CYP3A43: variants seen among roughly 807,000 people sequenced by gnomAD.
CYP3A43 encodes cytochrome P450 3A43.
A neutral mutation model predicts 58.0 loss-of-function variants in CYP3A43; 45 were observed. That is an observed-to-expected ratio of 0.78 (90% confidence interval 0.61 to 0.99). The LOEUF (loss-of-function observed/expected upper bound fraction) is 0.99. CYP3A43 is among the 50% of genes least tolerant of loss of function. CYP3A43 has a pLI of 0.00. For missense variants in CYP3A43, 593 were observed against 591.9 expected (o/e 1.00, Z -0.02); for synonymous variants, 191 against 201.4 (o/e 0.95, Z 0.44).
In CYP3A43 at chr7:99,856,821, T is replaced by G. The variant is rs747892091; in HGVS notation, c.799-12T>G. On this transcript the variant is annotated splice_polypyrimidine_tract_variant and intron_variant, in intron 8 of 12. Transcript: ENST00000354829. ...GACTTTCTGTCATTAAAATTTCTCT[T>G]TTTGCTTCCAGCATCGAGTAGATTT... is the stretch of plus-strand genomic sequence containing the variant. 6.2e-7 allele frequency: 1 copy of G among 1,613,680 alleles called. No homozygotes were observed. Among genetic ancestry groups the G allele is most frequent in the Non-Finnish European group, 8.5e-7 (1 of 1,179,912 alleles).
chr7:99,838,835 CT>C, intron 2 of CYP3A43: 1 of 536,016 alleles, frequency 1.9e-6, no homozygotes, highest in Non-Finnish European at 3.1e-6. Flanking sequence ...CAAAAATTAG[CT>C]GGGTGTGGTG....
intron 9 of CYP3A43, among the ~76,000 whole-genome samples, chr7:99,859,067 C>T (rs1253835109): frequency 6.6e-6 from 1 of 152,072 alleles, no homozygotes. Context: ...CTGTAGCTTT[C>T]GTATATCCAG....
intron 7 of CYP3A43, among the ~76,000 whole-genome samples, chr7:99,854,507 T>C (rs1817898029): frequency 6.6e-6 from 1 of 152,120 alleles, no homozygotes; most frequent in African/African-American, 2.4e-5. Context: ...GCCCGGCTGA[T>C]GATATTTTCA....
At chr7:99,830,581 C>G (rs76657705) in intron 1 of CYP3A43, among the ~76,000 whole-genome samples, 3,971 of 152,164 alleles carry the variant, frequency 0.026, 85 homozygotes, top group Non-Finnish European at 0.04. Context: ...GTTGATAATA[C>G]TTGTTCTTTG....
At chr7:99,836,310 T>C in intron 1 of CYP3A43, 143 bp from the exon 2 acceptor site, 1 of 651,606 alleles carries the variant, frequency 1.5e-6, no homozygotes, top group Non-Finnish European at 2.7e-6. Flanking sequence ...ATGTAATTAT[T>C]GCCATCAGAG....
intron 6 of CYP3A43, 141 bp from the exon 7 acceptor site, chr7:99,849,404 AT>A: frequency 1.0e-6 from 1 of 965,802 alleles, no homozygotes; most frequent in Non-Finnish European, 1.5e-6. Flanking sequence ...CATGAGTATG[AT>A]GGGAGATGAT....
intron 3 of CYP3A43, among the ~76,000 whole-genome samples, chr7:99,842,378 A>G (rs1038131804): frequency 5.9e-5 from 9 of 152,188 alleles, no homozygotes; most frequent in Non-Finnish European, 8.8e-5. Context: ...ACTCATTCAT[A>G]TTACTGATAA....
In CYP3A43 at chr7:99,835,746, G is replaced by T. The variant is rs550707932; in HGVS notation, c.72-707G>T. ...ACCCAGGTAGTGTGTACACAGTGTG[G>T]GCATCCTTCTAGAGATTTCTCCCCT... is the stretch of plus-strand genomic sequence containing the variant. On this transcript the variant is annotated intron_variant, in intron 1 of 12. Coordinates refer to ENST00000354829, the MANE Select transcript of CYP3A43 (RefSeq NM_057095.3). Among the ~76,000 whole-genome samples, 18 of 152,228 alleles carry T rather than the reference G, an allele frequency of 1.2e-4. No individual in the cohort carries two copies. The South Asian group carries it at 2.5e-3, about 21-fold the overall frequency.
intron 12 of CYP3A43, 81 bp from the exon 13 acceptor site, chr7:99,865,825 T>A: frequency 1.0e-6 from 1 of 987,986 alleles, no homozygotes; most frequent in Non-Finnish European, 1.5e-6. Flanking sequence ...GCATTACCCT[T>A]GATGTCATCT....
chr7:99,847,488 C>G lies in CYP3A43; in HGVS notation c.319C>G (p.Pro107Ala). The G allele has an allele frequency of 6.2e-7, 1 of 1,613,560 alleles. No homozygotes were observed. Among genetic ancestry groups the G allele is most frequent in the Non-Finnish European group, 8.5e-7 (1 of 1,179,736 alleles). ...ECYSVFTNQM[P>A]LGPMGFLKSA... ...AAACTGCTTCTGCTTTGAACTCAAG[C>G]CTTTAGGTCCAATGGGATTTCTGAA... Residue 107 changes from proline (P) to alanine (A), a missense_variant and splice_region_variant, in exon 5 of 13, where the codon CCT (proline) becomes GCT (alanine). Coordinates refer to ENST00000354829, the MANE Select transcript of CYP3A43 (RefSeq NM_057095.3).
intron 8 of CYP3A43, 68 bp downstream of exon 8, chr7:99,855,786 G>T: frequency 6.7e-7 from 1 of 1,493,108 alleles, no homozygotes. Context: ...GTTTACATAC[G>T]ATTTGTGCAC....
chr7:99,828,126 T>C lies in CYP3A43; in HGVS notation c.11T>C (p.Ile4Thr), dbSNP rs1487896127. 1 of 1,613,114 alleles carries C rather than the reference T, an allele frequency of 6.2e-7. No individual in the cohort carries two copies. The highest frequency in any genetic ancestry group is 1.3e-5 in the African/African-American group (1 of 75,016). The change falls in exon 1 of 13, where the codon ATT becomes ACT. Residue 4 changes from isoleucine (I) to threonine (T), a missense_variant. Ile to Thr is a moderately conservative substitution (Grantham distance 89, BLOSUM62 -1). Transcript: ENST00000354829. ...AAAAGAAAACTGGTGATGGATCTCA[T>C]TCCAAACTTTGCCATGGAAACATGG... MDLIPNFAMETWVL... is the reference protein window; with the variant it reads MDLTPNFAMETWVL...
intron 9 of CYP3A43, among the ~76,000 whole-genome samples, chr7:99,858,176 C>T (rs1818067237): frequency 6.6e-6 from 1 of 152,164 alleles, no homozygotes; most frequent in African/African-American, 2.4e-5. Context: ...AGCAGATCTA[C>T]ACTTTGAGAT....
At chr7:99,863,918 A>G (rs1818345472) in intron 12 of CYP3A43, among the ~76,000 whole-genome samples, 1 of 148,656 alleles carries the variant, frequency 6.7e-6, no homozygotes, top group African/African-American at 2.6e-5. Flanking sequence ...GTCAATATAG[A>G]TTAGCATGGT....
At chr7:99,855,479 C>A in intron 7 of CYP3A43, 112 bp from the exon 8 acceptor site, 1 of 1,327,212 alleles carries the variant, frequency 7.5e-7, no homozygotes, top group South Asian at 1.5e-5. Context: ...GGAAATGGAT[C>A]CTGGTTGAGA....
Position 99,847,383 on chromosome 7 carries a change from T to G in CYP3A43, c.319-105T>G. The G allele has an allele frequency of 2.6e-6, 3 of 1,161,478 alleles. No individual in the cohort carries two copies. The South Asian group carries it at 4.5e-5, about 18-fold the overall frequency. 71.9% of individuals were successfully genotyped at this position (1,161,478 alleles called of 1,614,324 possible). A position where few individuals can be genotyped will look rare whatever the true frequency, so the allele number is the denominator to read the frequency against. Reference sequence around the variant, plus strand: ...TAGAGCCTGCCACCCAGTAGATAGTTACTAAATATTTGTTAAATTCATGAT... The same window carrying G: ...TAGAGCCTGCCACCCAGTAGATAGTGACTAAATATTTGTTAAATTCATGAT... On this transcript the variant is annotated intron_variant, in intron 4 of 12. Coordinates refer to ENST00000354829, the MANE Select transcript of CYP3A43 (RefSeq NM_057095.3).
intron 7 of CYP3A43, among the ~76,000 whole-genome samples, chr7:99,852,802 T>A (rs1034533356): frequency 6.6e-6 from 1 of 152,182 alleles, no homozygotes; most frequent in African/African-American, 2.4e-5. Context: ...AAGAATTCTC[T>A]TCTATTTTTA....
At chr7:99,834,684 T>C (rs576736519) in intron 1 of CYP3A43, among the ~76,000 whole-genome samples, 3 of 151,986 alleles carry the variant, frequency 2.0e-5, no homozygotes, top group African/African-American at 4.8e-5. Context: ...ATTTCTTCAA[T>C]AGAGTTTTGT....
At chr7:99,838,575 G>A (rs800672) in intron 2 of CYP3A43, 449,458 of 926,220 alleles carry the variant, frequency 0.49, 113,299 homozygotes, top group African/African-American at 0.84. Flanking sequence ...TTCATAGACA[G>A]AAGTAAGTCA....
Sources: allele counts gnomAD v4.1 joint callset (sites outside exome capture counted in the v4.1 genomes callset), GRCh38; gene constraint gnomAD v4.1.1; transcripts MANE v1.5; gene names NCBI Gene and HGNC (gene_info 2026-07-23, HGNC 2026-07-21).